Variants in CNTN6 observed in about 807,000 individuals in gnomAD.
CNTN6 encodes contactin 6.
A neutral mutation model predicts 122.8 loss-of-function variants in CNTN6; 137 were observed. The ratio of observed to expected loss-of-function variants is 1.12; its 90% CI spans 0.97 to 1.29. The LOEUF (loss-of-function observed/expected upper bound fraction) is 1.29. Ranked by LOEUF, CNTN6 falls within the 50% of genes most tolerant of loss-of-function variation. CNTN6 has a pLI of 0.00. For missense variants in CNTN6, 1,634 were observed against 1,223.4 expected, an observed-to-expected ratio of 1.34 and a Z score of -5.01; for synonymous variants, 570 against 426.0, an observed-to-expected ratio of 1.34 and a Z score of -4.16.
chr3:1,385,275 G>GATTATATAC (rs538129590), intron 19 of CNTN6, among the ~76,000 whole-genome samples: 136 of 152,204 alleles, frequency 8.9e-4, no homozygotes, highest in African/African-American at 2.9e-3. Flanking sequence ...GTCTTTGACT[G>GATTATATAC]ATTATATACA....
chr3:1,288,179 G>A (rs1419531773), intron 5 of CNTN6, among the ~76,000 whole-genome samples: 1 of 152,138 alleles, frequency 6.6e-6, no homozygotes, highest in Non-Finnish European at 1.5e-5. Context: ...AGGAACCCAT[G>A]AGACCTTTAT....
At chr3:1,135,918 G>A (rs1471352320) in intron 1 of CNTN6, among the ~76,000 whole-genome samples, 1 of 152,094 alleles carries the variant, frequency 6.6e-6, no homozygotes, top group Non-Finnish European at 1.5e-5. Flanking sequence ...CTTGAACCTG[G>A]GAGGCGGAGG....
Position 1,325,831 on chromosome 3 carries a change from A to C in CNTN6, c.963A>C (p.Glu321Asp). Reference protein sequence around the residue: ...QLIFYAPPEWEQKIQNTHLSI... With the variant: ...QLIFYAPPEWDQKIQNTHLSI... ...TTGAAACAGCTCCTCCAGAATGGGA[A>C]CAGAAAATCCAAAATACACACCTCT... The change falls in exon 9 of 23, where the codon GAA (glutamate) becomes GAC (aspartate). Residue 321 changes from glutamate (E) to aspartate (D), a missense_variant. Glu to Asp is a conservative substitution (Grantham distance 45). Transcript: ENST00000446702. 3.1e-6 allele frequency: 5 copies of C among 1,610,142 alleles called. No homozygotes were observed. The highest frequency in any genetic ancestry group is 4.2e-6 in the Non-Finnish European group (5 of 1,178,178).
At chr3:1,267,553 C>T (rs1398152974) in intron 4 of CNTN6, among the ~76,000 whole-genome samples, 1 of 152,106 alleles carries the variant, frequency 6.6e-6, no homozygotes, top group Non-Finnish European at 1.5e-5. Context: ...TAGCTGTTGC[C>T]ATCAAATATT....
intron 16 of CNTN6, among the ~76,000 whole-genome samples, chr3:1,375,192 A>G (rs934594000): frequency 3.9e-5 from 6 of 152,060 alleles, no homozygotes; most frequent in Non-Finnish European, 8.8e-5. Context: ...GACTCTGGAT[A>G]TGAGCTTTAG....
intron 12 of CNTN6, among the ~76,000 whole-genome samples, chr3:1,357,934 T>G (rs1706846833): frequency 6.6e-6 from 1 of 151,946 alleles, no homozygotes; most frequent in South Asian, 2.1e-4. Context: ...CACTAAATTT[T>G]GAAAATGGCA....
At chr3:1,396,011 T>A (rs965640051) in intron 20 of CNTN6, among the ~76,000 whole-genome samples, 5 of 152,154 alleles carry the variant, frequency 3.3e-5, no homozygotes, top group African/African-American at 1.2e-4. Flanking sequence ...TCCCTGACTG[T>A]CAAATCCTCC....
At chr3:1,368,913 C>T (rs1363209908) in intron 12 of CNTN6, among the ~76,000 whole-genome samples, 1 of 152,114 alleles carries the variant, frequency 6.6e-6, no homozygotes, top group African/African-American at 2.4e-5. Flanking sequence ...TTTCATTTTG[C>T]ACTTGGACCC....
intron 1 of CNTN6, among the ~76,000 whole-genome samples, chr3:1,117,675 C>G (rs1489744438): frequency 2.0e-5 from 3 of 152,140 alleles, no homozygotes; most frequent in Admixed American, 6.6e-5. Context: ...GCATTGCTCC[C>G]TGCATCTTTG....
Position 1,193,484 on chromosome 3 carries a change from C to G in CNTN6, c.56-27203C>G, listed in dbSNP as rs1219764592. Reference sequence around the variant, plus strand: ...TGCCTTCTTCATAGGGTTGATATAACCATTAATGAAATAAGAAATTTGAAA... The same window carrying G: ...TGCCTTCTTCATAGGGTTGATATAAGCATTAATGAAATAAGAAATTTGAAA... On this transcript the variant is annotated intron_variant, in intron 2 of 22. Coordinates refer to ENST00000446702, the MANE Select transcript of CNTN6 (RefSeq NM_001289080.2). Among the ~76,000 whole-genome samples, 8 of 152,172 alleles carry G rather than the reference C, an allele frequency of 5.3e-5. No individual in the cohort carries two copies. In the East Asian group the frequency reaches 1.4e-3, roughly 26 times the overall value.
At chr3:1,355,541 A>G (rs897448792) in intron 12 of CNTN6, among the ~76,000 whole-genome samples, 4 of 151,700 alleles carry the variant, frequency 2.6e-5, no homozygotes, top group Non-Finnish European at 4.4e-5. Flanking sequence ...TTTCTTGACT[A>G]TTGGGTGTAT....
chr3:1,147,980 G>A lies in CNTN6; in HGVS notation c.-29G>A. On this transcript the variant is annotated 5_prime_UTR_variant, in exon 2 of 23. Transcript: ENST00000446702. ...CTGTTTTGTTCCACCTGATTGTATGGGAGAAATTTTTGACCTTAGAAAGTG... is the reference window on the plus strand; with the variant it reads ...CTGTTTTGTTCCACCTGATTGTATGAGAGAAATTTTTGACCTTAGAAAGTG... 6.3e-7 allele frequency: 1 copy of A among 1,583,876 alleles called. No individual in the cohort carries two copies. The highest frequency in any genetic ancestry group is 8.7e-7 in the Non-Finnish European group (1 of 1,154,300).
chr3:1,335,846 T>C (rs1044742516), intron 11 of CNTN6, among the ~76,000 whole-genome samples: 4 of 151,860 alleles, frequency 2.6e-5, no homozygotes, highest in African/African-American at 9.7e-5. Flanking sequence ...CTGGGCAACA[T>C]AGTGAGACCC....
intron 4 of CNTN6, among the ~76,000 whole-genome samples, chr3:1,266,404 A>G (rs2094927018): frequency 6.6e-6 from 1 of 152,154 alleles, no homozygotes; most frequent in Admixed American, 6.5e-5. Context: ...CCAGTTGTGG[A>G]AGTTCTTGCA....
intron 2 of CNTN6, among the ~76,000 whole-genome samples, chr3:1,189,070 A>G (rs1263494032): frequency 6.6e-6 from 1 of 152,076 alleles, no homozygotes; most frequent in Non-Finnish European, 1.5e-5. Flanking sequence ...AACAAAACAA[A>G]AAAAACAAGC....
At chr3:1,387,869 C>G (rs562972704) in intron 20 of CNTN6, among the ~76,000 whole-genome samples, 1 of 152,196 alleles carries the variant, frequency 6.6e-6, no homozygotes, top group African/African-American at 2.4e-5. Context: ...TAAAAAACGG[C>G]GCACCACGAG....
chr3:1,174,696 C>T (rs927660863), intron 2 of CNTN6, among the ~76,000 whole-genome samples: 1 of 152,160 alleles, frequency 6.6e-6, no homozygotes, highest in Non-Finnish European at 1.5e-5. Flanking sequence ...CATGGCTTCA[C>T]CCACATGCTC....
At chr3:1,122,705 T>C (rs2092005576) in intron 1 of CNTN6, among the ~76,000 whole-genome samples, 1 of 151,976 alleles carries the variant, frequency 6.6e-6, no homozygotes, top group African/African-American at 2.4e-5. Flanking sequence ...ATGCAATATA[T>C]GACCTTTGTG....
intron 4 of CNTN6, among the ~76,000 whole-genome samples, chr3:1,267,589 T>TTCCA (rs1559655886): frequency 2.3e-4 from 35 of 152,276 alleles, no homozygotes; most frequent in African/African-American, 8.2e-4. Flanking sequence ...AAACACTTGA[T>TTCCA]ATTGGAGAAA....
Sources: allele counts gnomAD v4.1 joint callset (sites outside exome capture counted in the v4.1 genomes callset), GRCh38; gene constraint gnomAD v4.1.1; transcripts MANE v1.5; gene names NCBI Gene and HGNC (gene_info 2026-07-23, HGNC 2026-07-21).